The following PHLDB1 variants were observed in gnomAD, a reference collection of about 807,000 sequenced individuals.
PHLDB1 encodes the protein pleckstrin homology-like domain family B member 1.
PHLDB1 carries 65 observed loss-of-function variants against 139.3 expected under a neutral mutation model. The observed-to-expected ratio is 0.47, with a 90% confidence interval of 0.38 to 0.57. PHLDB1 has a LOEUF of 0.57. Ranked by LOEUF, PHLDB1 falls within the 20% of genes least tolerant of loss-of-function variation. The pLI, the probability that PHLDB1 is intolerant of heterozygous loss-of-function variation, is 0.00. For missense variants in PHLDB1, 1,624 were observed against 1,839.7 expected, an observed-to-expected ratio of 0.88 and a Z score of 2.14; for synonymous variants, 679 against 734.5, an observed-to-expected ratio of 0.92 and a Z score of 1.22.
intron 3 of PHLDB1, chr11:118,615,284 C>T (rs1941393358): frequency 6.6e-6 from 1 of 151,432 alleles, no homozygotes; most frequent in African/African-American, 2.4e-5. Flanking sequence ...TCTTAGCAAC[C>T]AATGTGGCCA....
At position 118,608,811 on chromosome 11, in the gene PHLDB1, T is replaced by C. The variant is rs1280274429; in HGVS notation, c.-22+1112T>C. On this transcript the variant is annotated intron_variant, in intron 1 of 22. Transcript: ENST00000600882. The surrounding 1 kb of genome is among the most constrained non-coding windows in gnomAD (Gnocchi z 6.7). ...TCCCACGCACTCCATGCCTTACGCC[T>C]CACAGGAAAGCGCCCCGCGCTCACG... Among the ~76,000 whole-genome samples, 1 of 149,578 alleles carries C rather than the reference T, an allele frequency of 6.7e-6. No individual in the cohort carries two copies. Among genetic ancestry groups the C allele is most frequent in the Admixed American group, 6.6e-5 (1 of 15,080 alleles).
intron 17 of PHLDB1, chr11:118,647,174 G>A (rs1555129883): frequency 6.6e-6 from 1 of 152,070 alleles, no homozygotes; most frequent in African/African-American, 2.4e-5. Context: ...TTTCTAATTT[G>A]AAGTTTCAGA....
At chr11:118,639,590 A>G (rs1946194879) in intron 12 of PHLDB1, 2 of 385,136 alleles carry the variant, frequency 5.2e-6, no homozygotes, top group Admixed American at 7.4e-5. Context: ...GAAGGGGAGC[A>G]TAGGGATATA....
intron 13 of PHLDB1, chr11:118,643,456 C>T (rs1192788253): frequency 2.1e-6 from 2 of 954,644 alleles, no homozygotes; most frequent in South Asian, 4.8e-5. Context: ...GTCACACAGC[C>T]TGTTAGTGGC....
intron 18 of PHLDB1, 134 bp downstream of exon 18, chr11:118,648,210 T>C: frequency 2.2e-6 from 2 of 913,234 alleles, no homozygotes; most frequent in Non-Finnish European, 1.7e-6. Context: ...GGCTTAATAC[T>C]AGCAGAATTC....
At chr11:118,626,348 G>A (rs565377720) in intron 5 of PHLDB1, among the ~76,000 whole-genome samples, 1 of 151,770 alleles carries the variant, frequency 6.6e-6, no homozygotes, top group Non-Finnish European at 1.5e-5. Context: ...TGCAGCAGGC[G>A]CCCATCTTCT....
At position 118,657,971 on chromosome 11, in the gene PHLDB1, G is replaced by A. The variant is rs1181471140; in HGVS notation, c.*1148G>A. ...CCCTTGGTTGCCTGGGCCCAGGCTGGGGGTTTTCAGTATTTGTAAGCATTT... is the reference window on the plus strand; with the variant it reads ...CCCTTGGTTGCCTGGGCCCAGGCTGAGGGTTTTCAGTATTTGTAAGCATTT... On this transcript the variant is annotated 3_prime_UTR_variant, in exon 23 of 23. Transcript: ENST00000600882. The A allele has an allele frequency of 5.5e-5, 17 of 308,034 alleles. No homozygotes were observed. The highest frequency in any genetic ancestry group is 3.4e-4 in the African/African-American group (16 of 47,696). 19.1% of individuals were successfully genotyped at this position (308,034 alleles called of 1,614,324 possible).
In PHLDB1 at chr11:118,635,527, C is replaced by A. The variant is rs1555114925; in HGVS notation, c.2514C>A (p.Leu838=). Residue 838 remains leucine, a synonymous_variant, in exon 10 of 23, where the codon CTC becomes CTA. Coordinates refer to ENST00000600882, the MANE Select transcript of PHLDB1 (RefSeq NM_001144758.3). ...TGCTCCGGAGCAAGGCTGAGCTGCT[C>A]CGCAGCATCGCCAAGAGGAAGGTGT... is the stretch of plus-strand genomic sequence containing the variant. ...QGLLRSKAEL[L]RSIAKRKERL... 2 of 1,567,952 alleles carry A rather than the reference C, an allele frequency of 1.3e-6. No homozygotes were observed. The highest frequency in any genetic ancestry group is 1.4e-5 in the African/African-American group (1 of 73,392).
chr11:118,620,486 C>A lies in PHLDB1; in HGVS notation c.355+4275C>A, dbSNP rs1319873697. ...CAGCCTGGGCAACAAGAATGAAACT[C>A]CATCTCAAAAAAACAGAACAAAACA... On this transcript the variant is annotated intron_variant, in intron 4 of 22. Transcript: ENST00000600882. This position sits in a 1 kb window ranked among gnomAD's most constrained non-coding sequence, Gnocchi z 4.1. 3.9e-5 allele frequency among the ~76,000 whole-genome samples: 6 copies of A among 152,170 alleles called. No homozygotes were observed. Among genetic ancestry groups the A allele is most frequent in the African/African-American group, 1.4e-4 (6 of 41,440 alleles).
chr11:118,617,518 T>C (rs1489972308), intron 4 of PHLDB1, among the ~76,000 whole-genome samples: 4 of 151,942 alleles, frequency 2.6e-5, no homozygotes, highest in Admixed American at 2.0e-4. Context: ...CAGGCTGGAG[T>C]GCAGTGGCAT....
intron 17 of PHLDB1, chr11:118,646,994 G>T (rs868910287): frequency 2.0e-5 from 3 of 152,238 alleles, no homozygotes; most frequent in Middle Eastern, 3.4e-3. Flanking sequence ...AATGGTATAG[G>T]AGGTCTTTAT....
intron 10 of PHLDB1, among the ~76,000 whole-genome samples, chr11:118,636,363 G>C (rs1296127672): frequency 6.6e-6 from 1 of 152,144 alleles, no homozygotes; most frequent in Non-Finnish European, 1.5e-5. Flanking sequence ...GGGATTTGCT[G>C]GTTAGCCTGG....
At chr11:118,647,874 G>A (rs1251390079) in intron 17 of PHLDB1, 56 bp from the exon 18 acceptor site, 15 of 1,534,560 alleles carry the variant, frequency 9.8e-6, no homozygotes, top group Non-Finnish European at 1.3e-5. Flanking sequence ...GTGTGAAGAG[G>A]GCCAGTGGGG....
chr11:118,619,114 A>G (rs979050453), intron 4 of PHLDB1, among the ~76,000 whole-genome samples: 10 of 152,148 alleles, frequency 6.6e-5, no homozygotes, highest in Admixed American at 6.5e-5. Context: ...AGGAATCTCA[A>G]TCTGGGTCTA....
chr11:118,627,235 G>T (rs1275808989), intron 5 of PHLDB1, 70 bp from the exon 6 acceptor site: 7 of 1,469,662 alleles, frequency 4.8e-6, no homozygotes, highest in African/African-American at 1.4e-5. Context: ...CTAGGAGGAG[G>T]GGGGCTAGTG....
At chr11:118,627,079 G>T in intron 5 of PHLDB1, 2 of 576,744 alleles carry the variant, frequency 3.5e-6, no homozygotes, top group Non-Finnish European at 6.1e-6. Context: ...AGGCAGGAAG[G>T]CCCTGCCGAT....
chr11:118,607,538 G>A (rs1327767678), upstream of PHLDB1: 1 of 144,174 alleles, frequency 6.9e-6, no homozygotes, highest in Non-Finnish European at 1.5e-5. Context: ...GACGGGGGAC[G>A]GGGGCGGGGA....
At chr11:118,633,547 G>A (rs1380758916) in intron 9 of PHLDB1, 1 of 152,190 alleles carries the variant, frequency 6.6e-6, no homozygotes, top group Non-Finnish European at 1.5e-5. Flanking sequence ...GCCCAGTTGT[G>A]GGCGTGGTCT....
chr11:118,650,044 G>A lies in PHLDB1; in HGVS notation c.3655-33G>A, dbSNP rs1303650261. The A allele has an allele frequency of 6.7e-7, 1 of 1,483,296 alleles. No individual in the cohort carries two copies. The highest frequency in any genetic ancestry group is 9.4e-7 in the Non-Finnish European group (1 of 1,060,920). The allele number at this position is 1,483,296 out of a possible 1,614,324, so 91.9% of individuals were successfully genotyped here. ...GACAGGGGAATAATGAGGGAAGAGAGGAGACTCTCCTGACCCTCCCTCTTG... is the reference window on the plus strand; with the variant it reads ...GACAGGGGAATAATGAGGGAAGAGAAGAGACTCTCCTGACCCTCCCTCTTG... On this transcript the variant is annotated intron_variant, in intron 18 of 22. Transcript: ENST00000600882. The surrounding 1 kb of genome is among the most constrained non-coding windows in gnomAD (Gnocchi z 4.7).
Sources: gnomAD v4.1 joint callset for allele counts (sites outside exome capture counted in the v4.1 genomes callset) on GRCh38, gnomAD v4.1.1 for gene constraint, Gnocchi (gnomAD v3.1) non-coding constraint, MANE v1.5 for transcripts, NCBI Gene and HGNC (gene_info 2026-07-23, HGNC 2026-07-21) for gene names.